The following NEK6 variants were observed in gnomAD, a reference collection of about 807,000 sequenced individuals.
NEK6 encodes serine/threonine-protein kinase Nek6.
A neutral mutation model predicts 43.5 loss-of-function variants in NEK6; 27 were observed. That is an observed-to-expected ratio of 0.62 (90% CI 0.46 to 0.86). The LOEUF (loss-of-function observed/expected upper bound fraction) is 0.86, where lower values mean the gene tolerates loss of function less well. NEK6 is among the 40% of genes least tolerant of loss of function. The pLI is 0.00. For missense variants in NEK6, 318 were observed against 414.4 expected, an observed-to-expected ratio of 0.77 and a Z score of 2.02; for synonymous variants, 167 against 164.1, an observed-to-expected ratio of 1.02 and a Z score of -0.14.
intron 1 of NEK6, among the ~76,000 whole-genome samples, chr9:124,268,250 G>A (rs1831300012): frequency 6.6e-6 from 1 of 152,192 alleles, no homozygotes; most frequent in South Asian, 2.1e-4. Context: ...AGCAGATAGG[G>A]AGTCATTATC....
At chr9:124,329,246 G>A (rs1382144572) in intron 7 of NEK6, among the ~76,000 whole-genome samples, 1 of 152,134 alleles carries the variant, frequency 6.6e-6, no homozygotes, top group Non-Finnish European at 1.5e-5. Flanking sequence ...TGTGGTTGAA[G>A]GGCTTCGAAA....
At chr9:124,280,562 G>A (rs1831858035) in intron 1 of NEK6, among the ~76,000 whole-genome samples, 1 of 152,332 alleles carries the variant, frequency 6.6e-6, no homozygotes, top group African/African-American at 2.4e-5. Context: ...TGGGTACCGT[G>A]GGGCAGACAT....
At chr9:124,272,514 C>T (rs1246729942) in intron 1 of NEK6, among the ~76,000 whole-genome samples, 5 of 152,218 alleles carry the variant, frequency 3.3e-5, no homozygotes, top group Non-Finnish European at 2.9e-5. Flanking sequence ...AAGGGCAATC[C>T]CTGGGGATTT....
Position 124,351,035 on chromosome 9 carries a change from A to G in NEK6, c.*88A>G. 1 of 856,400 alleles carries G rather than the reference A, an allele frequency of 1.2e-6. No homozygotes were observed. The highest frequency in any genetic ancestry group is 1.5e-5 in the South Asian group (1 of 66,848). 53.1% of individuals were successfully genotyped at this position (856,400 alleles called of 1,614,324 possible). ...TTCGAGTGGCCACCTGGTAGCCTAG[A>G]ACAGCTAAGACCACAGGGTTCAGCA... On this transcript the variant is annotated 3_prime_UTR_variant, in exon 10 of 10. Transcript: ENST00000320246.
At chr9:124,272,162 G>T (rs375226254) in intron 1 of NEK6, among the ~76,000 whole-genome samples, 46 of 152,366 alleles carry the variant, frequency 3.0e-4, no homozygotes, top group African/African-American at 1.1e-3. Flanking sequence ...ACATGGTATG[G>T]GGTGAGCTCG....
chr9:124,330,510 G>A (rs754395343), intron 7 of NEK6, among the ~76,000 whole-genome samples: 5 of 152,130 alleles, frequency 3.3e-5, no homozygotes, highest in South Asian at 2.1e-4. Context: ...CAGGAAGGGC[G>A]GCTGGTCACA....
chr9:124,297,925 G>C (rs2119106144), intron 1 of NEK6, among the ~76,000 whole-genome samples: 1 of 152,310 alleles, frequency 6.6e-6, no homozygotes, highest in African/African-American at 2.4e-5. Flanking sequence ...CCAGAGCACA[G>C]GGCTTGGGTT....
intron 5 of NEK6, among the ~76,000 whole-genome samples, chr9:124,322,871 T>A (rs553256077): frequency 6.6e-6 from 1 of 152,262 alleles, no homozygotes; most frequent in Non-Finnish European, 1.5e-5. Flanking sequence ...CACTGGGAAG[T>A]GGCATTACTT....
chr9:124,297,587 A>G (rs1472330708), intron 1 of NEK6, among the ~76,000 whole-genome samples: 2 of 152,192 alleles, frequency 1.3e-5, no homozygotes, highest in Non-Finnish European at 2.9e-5. Flanking sequence ...GCAGCTATCC[A>G]CAGTGTTTTG....
intron 7 of NEK6, among the ~76,000 whole-genome samples, chr9:124,329,170 C>T (rs2130966908): frequency 6.6e-6 from 1 of 152,328 alleles, no homozygotes; most frequent in South Asian, 2.1e-4. Flanking sequence ...CTTTCCTTGT[C>T]CCCTCAAACA....
intron 2 of NEK6, among the ~76,000 whole-genome samples, chr9:124,307,858 A>G (rs1588490660): frequency 6.6e-6 from 1 of 152,182 alleles, no homozygotes; most frequent in Non-Finnish European, 1.5e-5. Flanking sequence ...GGTTACCGCC[A>G]GCCGCCGAGG....
chr9:124,261,417 G>C, intron 1 of NEK6: 1 of 985,444 alleles, frequency 1.0e-6, no homozygotes, highest in Non-Finnish European at 1.2e-6. Context: ...AGAGTGGAGG[G>C]ACCTGGTGAA....
chr9:124,310,503 C>T lies in NEK6; in HGVS notation c.91-2006C>T, dbSNP rs536474825. ...TCGAGGCTTCAAAGTCAAGGTTGGC[C>T]CAGCCCTCACCTTGCTGTGTGCTGT... On this transcript the variant is annotated intron_variant, in intron 2 of 9. Transcript: ENST00000320246. Among the ~76,000 whole-genome samples, 148 of 152,234 alleles carry T rather than the reference C, an allele frequency of 9.7e-4. 1 individual carries two copies. Among genetic ancestry groups the T allele is most frequent in the Non-Finnish European group, 1.9e-3 (131 of 68,042 alleles).
intron 2 of NEK6, among the ~76,000 whole-genome samples, 169 bp downstream of exon 2, chr9:124,302,223 A>G (rs539431692): frequency 1.3e-5 from 2 of 152,310 alleles, no homozygotes; most frequent in East Asian, 3.9e-4. Flanking sequence ...TAGTGAGCTC[A>G]TCGTTGAATT....
chr9:124,338,884 C>T (rs1829425393), intron 7 of NEK6, among the ~76,000 whole-genome samples: 3 of 152,146 alleles, frequency 2.0e-5, no homozygotes, highest in African/African-American at 7.2e-5. Flanking sequence ...GAGCCTGATC[C>T]TGACTCTTGC....
rs1301172592 is a variant in NEK6 at position 124,343,724 on chromosome 9, C to T, written c.718-3985C>T. On this transcript the variant is annotated intron_variant, in intron 8 of 9. Coordinates refer to ENST00000320246, the MANE Select transcript of NEK6 (RefSeq NM_014397.6). The surrounding 1 kb of genome is among the most constrained non-coding windows in gnomAD (Gnocchi z 5.1). ...AGCCTGAAGAGCTGTGACAAAGCCC[C>T]CTGCCCTCTCTGGACAACAGCTGAG... Among the ~76,000 whole-genome samples, 1 of 152,184 alleles carries T rather than the reference C, an allele frequency of 6.6e-6. No individual in the cohort carries two copies. Among genetic ancestry groups the T allele is most frequent in the Non-Finnish European group, 1.5e-5 (1 of 68,034 alleles).
chr9:124,281,110 C>T (rs765484758), intron 1 of NEK6, among the ~76,000 whole-genome samples: 5 of 152,252 alleles, frequency 3.3e-5, no homozygotes, highest in Non-Finnish European at 4.4e-5. Flanking sequence ...TCCCGCTTTT[C>T]GCTTGTGTTT....
At chr9:124,333,729 C>T (rs1175862602) in intron 7 of NEK6, among the ~76,000 whole-genome samples, 1 of 151,472 alleles carries the variant, frequency 6.6e-6, no homozygotes, top group Admixed American at 6.6e-5. Flanking sequence ...GATTTCTAAC[C>T]AGCCTCTCCA....
At chr9:124,263,633 T>C (rs1831118297) in intron 1 of NEK6, among the ~76,000 whole-genome samples, 1 of 152,216 alleles carries the variant, frequency 6.6e-6, no homozygotes, top group Admixed American at 6.5e-5. Flanking sequence ...CCGGGACCCT[T>C]GGTCCGTGGC....
Sources: gnomAD v4.1 joint callset for allele counts (sites outside exome capture counted in the v4.1 genomes callset) on GRCh38, gnomAD v4.1.1 for gene constraint, Gnocchi (gnomAD v3.1) non-coding constraint, MANE v1.5 for transcripts, NCBI Gene and HGNC (gene_info 2026-07-23, HGNC 2026-07-21) for gene names.